Variants in TENM3 observed in about 807,000 individuals in gnomAD.
TENM3 encodes teneurin transmembrane protein 3, also known as teneurin-3.
Under a neutral mutation model 255.1 loss-of-function variants are expected in TENM3, and 63 were observed. The observed-to-expected ratio is 0.25, with a 90% CI of 0.20 to 0.30. The LOEUF (loss-of-function observed/expected upper bound fraction) is 0.30, where lower values mean the gene tolerates loss of function less well. Ranked by LOEUF, TENM3 falls within the 10% of genes least tolerant of loss-of-function variation. The pLI, the probability that TENM3 is intolerant of heterozygous loss-of-function variation, is 1.00. For missense variants in TENM3, 2,929 were observed against 3,461.1 expected (o/e 0.85, Z 3.86); for synonymous variants, 1,306 against 1,322.3 (o/e 0.99, Z 0.27).
At chr4:181,847,972 T>C in the TENM3 span, among the ~76,000 whole-genome samples, 1 of 152,282 alleles carries the variant, frequency 6.6e-6, no homozygotes, top group East Asian at 1.9e-4. Context: ...CAAGAAATAT[T>C]ATTTGAAACT....
chr4:181,990,497 A>G, the TENM3 span, among the ~76,000 whole-genome samples: 2 of 152,186 alleles, frequency 1.3e-5, no homozygotes, highest in African/African-American at 4.8e-5. Context: ...TACAGAAACC[A>G]GAACCCTGTG....
chr4:181,927,601 A>G, the TENM3 span, among the ~76,000 whole-genome samples: 1 of 152,214 alleles, frequency 6.6e-6, no homozygotes, highest in Non-Finnish European at 1.5e-5. Context: ...CGCAGCTTCA[A>G]CAGACTTAAA....
the TENM3 span, among the ~76,000 whole-genome samples, chr4:181,805,528 G>A: frequency 6.6e-6 from 1 of 152,160 alleles, no homozygotes; most frequent in Admixed American, 6.5e-5. Context: ...CTGTTCTGAG[G>A]TTCTGTTCAG....
At chr4:182,078,482 A>G in the TENM3 span, among the ~76,000 whole-genome samples, 1 of 152,168 alleles carries the variant, frequency 6.6e-6, no homozygotes. Flanking sequence ...AGATCATGCC[A>G]CTGCACTCCA....
chr4:182,330,476 C>G (rs1192878386), intron 2 of TENM3, among the ~76,000 whole-genome samples: 3 of 152,170 alleles, frequency 2.0e-5, no homozygotes, highest in African/African-American at 7.2e-5. Flanking sequence ...GGATGAGGGT[C>G]TTATGTCCTG....
chr4:181,729,907 A>G, the TENM3 span, among the ~76,000 whole-genome samples: 1 of 152,206 alleles, frequency 6.6e-6, no homozygotes, highest in Non-Finnish European at 1.5e-5. Flanking sequence ...AGAAGCTGGA[A>G]AATTATTTTC....
the TENM3 span, among the ~76,000 whole-genome samples, chr4:181,512,961 T>G: frequency 6.6e-6 from 1 of 152,200 alleles, no homozygotes; most frequent in Admixed American, 6.5e-5. Flanking sequence ...TATAATTGTT[T>G]TTTTAGAACA....
At position 182,792,963 on chromosome 4, in the gene TENM3, G is replaced by A. The variant is rs776630968; in HGVS notation, c.6291G>A (p.Ser2097=). 2.7e-5 allele frequency: 43 copies of A among 1,613,682 alleles called. No homozygotes were observed. The Admixed American group carries it at 3.8e-4, about 14-fold the overall frequency. The change falls in exon 26 of 28, where the codon TCG becomes TCA. Residue 2097 remains serine (S), a synonymous_variant. Transcript: ENST00000511685. This position sits in a 1 kb window ranked among gnomAD's most constrained non-coding sequence, Gnocchi z 6.3. ...IKEIQYEIFR[S]LMYWITIQYD... ...AGATTCAATATGAGATATTCAGGTC[G>A]CTCATGTACTGGATTACAATTCAGT...
chr4:182,776,788 A>G (rs1246503110), intron 24 of TENM3, among the ~76,000 whole-genome samples: 2 of 152,238 alleles, frequency 1.3e-5, no homozygotes, highest in East Asian at 3.9e-4. Flanking sequence ...GCCAGTGCAC[A>G]CAGGCATGGG....
intron 1 of TENM3, among the ~76,000 whole-genome samples, chr4:182,308,115 TACTC>T (rs1163337176): frequency 6.6e-6 from 1 of 152,218 alleles, no homozygotes; most frequent in Non-Finnish European, 1.5e-5. Context: ...TTGGGCCACT[TACTC>T]AAGAGCCTTT....
chr4:181,570,901 A>G, the TENM3 span, among the ~76,000 whole-genome samples: 1 of 152,198 alleles, frequency 6.6e-6, no homozygotes, highest in African/African-American at 2.4e-5. Context: ...ACCCTGTGAA[A>G]TGGGGGAAGG....
the TENM3 span, among the ~76,000 whole-genome samples, chr4:182,020,963 A>G: frequency 6.6e-6 from 1 of 151,158 alleles, no homozygotes; most frequent in African/African-American, 2.4e-5. Flanking sequence ...TTTTCTCTAG[A>G]TTCAGGGAGT....
chr4:181,500,618 G>T, the TENM3 span, among the ~76,000 whole-genome samples: 2 of 152,090 alleles, frequency 1.3e-5, no homozygotes, highest in Admixed American at 1.3e-4. Context: ...CAGTAGAAAG[G>T]AAATATAAAA....
chr4:182,008,477 G>A, the TENM3 span, among the ~76,000 whole-genome samples: 1 of 151,708 alleles, frequency 6.6e-6, no homozygotes, highest in Non-Finnish European at 1.5e-5. Context: ...TCTTATTTCA[G>A]GAAGCTGGTC....
chr4:181,697,716 A>G, the TENM3 span, among the ~76,000 whole-genome samples: 1 of 152,084 alleles, frequency 6.6e-6, no homozygotes, highest in Non-Finnish European at 1.5e-5. Context: ...ATAATGTTGT[A>G]TTACAGTACA....
At chr4:182,220,705 C>T (rs972961944) in intron 1 of TENM3, among the ~76,000 whole-genome samples, 4 of 152,220 alleles carry the variant, frequency 2.6e-5, no homozygotes, top group African/African-American at 9.7e-5. Context: ...CTTATGATTA[C>T]ATTACATGGT....
chr4:181,953,592 A>C, the TENM3 span, among the ~76,000 whole-genome samples: 1 of 152,086 alleles, frequency 6.6e-6, no homozygotes, highest in South Asian at 2.1e-4. Flanking sequence ...TGAGGCAGAG[A>C]ATTGCTTGAA....
the TENM3 span, among the ~76,000 whole-genome samples, chr4:181,681,204 CTT>C: frequency 6.6e-6 from 1 of 151,916 alleles, no homozygotes; most frequent in Non-Finnish European, 1.5e-5. Flanking sequence ...TTGAAAAAGA[CTT>C]TGGAGGTCAA....
chr4:181,519,276 G>A, the TENM3 span, among the ~76,000 whole-genome samples: 1 of 152,166 alleles, frequency 6.6e-6, no homozygotes, highest in African/African-American at 2.4e-5. Context: ...GGTGCTCTGT[G>A]TTTTAAGATG....
Sources: gnomAD v4.1 joint callset for allele counts (sites outside exome capture counted in the v4.1 genomes callset) on GRCh38, gnomAD v4.1.1 for gene constraint, Gnocchi (gnomAD v3.1) non-coding constraint, MANE v1.5 for transcripts, NCBI Gene and HGNC (gene_info 2026-07-23, HGNC 2026-07-21) for gene names.